Variants in KCTD8 observed in about 807,000 individuals in gnomAD.
KCTD8 encodes BTB/POZ domain-containing protein KCTD8.
Under a neutral mutation model 31.5 loss-of-function variants are expected in KCTD8, and 27 were observed. The observed-to-expected ratio is 0.86, with a 90% CI of 0.63 to 1.18. The LOEUF is 1.18. KCTD8 is among the 50% of genes most tolerant of loss of function. The pLI is 0.00. For missense variants in KCTD8, 658 were observed against 647.7 expected, an observed-to-expected ratio of 1.02 and a Z score of -0.17; for synonymous variants, 290 against 280.0, an observed-to-expected ratio of 1.04 and a Z score of -0.36.
At chr4:44,378,238 AAT>A (rs34144469) in intron 1 of KCTD8, among the ~76,000 whole-genome samples, 21,249 of 143,630 alleles carry the variant, frequency 0.15, 1,707 homozygotes, top group East Asian at 0.26. Flanking sequence ...TATATGTATA[AAT>A]ATATATATAT....
At chr4:44,266,293 A>G (rs1276966342) in intron 1 of KCTD8, among the ~76,000 whole-genome samples, 2 of 151,820 alleles carry the variant, frequency 1.3e-5, no homozygotes, top group East Asian at 3.9e-4. Flanking sequence ...CAGCCAAACT[A>G]AGCTTCATAA....
At chr4:44,407,663 G>A (rs1720834468) in intron 1 of KCTD8, among the ~76,000 whole-genome samples, 1 of 152,004 alleles carries the variant, frequency 6.6e-6, no homozygotes, top group Non-Finnish European at 1.5e-5. Context: ...TGGGATTACA[G>A]GTGTGAGCCA....
chr4:44,382,444 T>C lies in KCTD8; in HGVS notation c.961+65119A>G, dbSNP rs183587786. The stretch of plus-strand genomic sequence containing the variant: ...CTTTTCTGTAAGAACTCAAACAAGA[T>C]GGTCGGGCATGGTGGCTCACAGCTG... On this transcript the variant is annotated intron_variant, in intron 1 of 1. Transcript: ENST00000360029. 6.4e-3 allele frequency among the ~76,000 whole-genome samples: 972 copies of C among 152,070 alleles called. 15 individuals carry two copies. The highest frequency in any genetic ancestry group is 7.1e-3 in the Non-Finnish European group (481 of 67,966).
At chr4:44,281,609 C>T (rs1716907141) in intron 1 of KCTD8, among the ~76,000 whole-genome samples, 2 of 152,180 alleles carry the variant, frequency 1.3e-5, no homozygotes, top group African/African-American at 2.4e-5. Flanking sequence ...TTTACTGTTG[C>T]CGTTCCAACC....
At chr4:44,225,000 A>C (rs1435448140) in intron 1 of KCTD8, among the ~76,000 whole-genome samples, 1 of 152,180 alleles carries the variant, frequency 6.6e-6, no homozygotes, top group Non-Finnish European at 1.5e-5. Context: ...ATACAATTTT[A>C]AGGGGGGTTG....
intron 1 of KCTD8, among the ~76,000 whole-genome samples, chr4:44,222,619 A>G (rs1475728720): frequency 3.9e-5 from 6 of 152,160 alleles, no homozygotes; most frequent in African/African-American, 7.2e-5. Flanking sequence ...GAGAGTAAAA[A>G]CAATGTGGCT....
intron 1 of KCTD8, among the ~76,000 whole-genome samples, chr4:44,390,060 C>T (rs1400692921): frequency 6.6e-6 from 1 of 151,912 alleles, no homozygotes; most frequent in Non-Finnish European, 1.5e-5. Flanking sequence ...GTATAGATTG[C>T]AAAGATTCTC....
rs201449024 is a variant in KCTD8, at chr4:44,447,971, C to A, written c.553G>T (p.Ala185Ser). The change falls in exon 1 of 2, where the codon GCC becomes TCC. Residue 185 changes from alanine (A) to serine (S), a missense_variant. Transcript: ENST00000360029. Reference sequence around the variant, plus strand: ...TGCGCTCCCGGGCCCGAGGGCACGGCGGCCGCCGCCCCGCGCAGCAGCAGC... The same window carrying A: ...TGCGCTCCCGGGCCCGAGGGCACGGAGGCCGCCGCCCCGCGCAGCAGCAGC... ...DALLLRGAAA[A>S]VPSGPGAHGG... The A allele has an allele frequency of 2.0e-6, 3 of 1,529,776 alleles. No individual in the cohort carries two copies. The Admixed American group carries it at 6.2e-5, about 31-fold the overall frequency. 94.8% of individuals were successfully genotyped at this position (1,529,776 alleles called of 1,614,324 possible).
chr4:44,282,531 C>T (rs1250985865), intron 1 of KCTD8, among the ~76,000 whole-genome samples: 3 of 152,018 alleles, frequency 2.0e-5, no homozygotes, highest in African/African-American at 7.2e-5. Flanking sequence ...TCTCTCACTT[C>T]AAATCAAAAG....
chr4:44,340,723 G>A (rs913457281), intron 1 of KCTD8, among the ~76,000 whole-genome samples: 3 of 152,014 alleles, frequency 2.0e-5, no homozygotes, highest in Non-Finnish European at 4.4e-5. Context: ...ACGTAAACCT[G>A]AGCAAAATAG....
intron 1 of KCTD8, among the ~76,000 whole-genome samples, chr4:44,266,738 G>T (rs1716381276): frequency 6.6e-6 from 1 of 152,070 alleles, no homozygotes. Context: ...GGCAGGGGTT[G>T]CAATCCTAGT....
chr4:44,267,459 A>G (rs1428178408), intron 1 of KCTD8, among the ~76,000 whole-genome samples: 1 of 152,220 alleles, frequency 6.6e-6, no homozygotes, highest in East Asian at 1.9e-4. Flanking sequence ...TCCAAAATTG[A>G]CACCCTAACA....
At chr4:44,183,749 T>C (rs1057134455) in intron 1 of KCTD8, among the ~76,000 whole-genome samples, 1 of 152,058 alleles carries the variant, frequency 6.6e-6, no homozygotes, top group African/African-American at 2.4e-5. Flanking sequence ...AGCTGCACAT[T>C]TGAAAAAAAA....
intron 1 of KCTD8, among the ~76,000 whole-genome samples, chr4:44,285,724 T>C (rs1268313933): frequency 6.6e-6 from 1 of 152,150 alleles, no homozygotes; most frequent in African/African-American, 2.4e-5. Flanking sequence ...ACACAACATC[T>C]ATTCTGTAGC....
At chr4:44,318,497 T>C (rs990897387) in intron 1 of KCTD8, among the ~76,000 whole-genome samples, 1 of 152,124 alleles carries the variant, frequency 6.6e-6, no homozygotes. Flanking sequence ...TTAAAAAAAA[T>C]GTTTTACTAG....
intron 1 of KCTD8, among the ~76,000 whole-genome samples, chr4:44,430,534 C>T (rs1205173708): frequency 1.3e-5 from 2 of 151,576 alleles, no homozygotes; most frequent in East Asian, 3.9e-4. Context: ...TATGGCCTAT[C>T]TTTGTTGTCC....
intron 1 of KCTD8, among the ~76,000 whole-genome samples, chr4:44,194,040 A>T (rs946744118): frequency 2.0e-5 from 3 of 152,168 alleles, no homozygotes; most frequent in Admixed American, 2.0e-4. Context: ...TCTTAGGACT[A>T]TCTTAGAACC....
chr4:44,327,444 T>C (rs1419200782), intron 1 of KCTD8, among the ~76,000 whole-genome samples: 1 of 151,836 alleles, frequency 6.6e-6, no homozygotes, highest in Non-Finnish European at 1.5e-5. Flanking sequence ...TAACATGATG[T>C]ATGGAATAAT....
intron 1 of KCTD8, among the ~76,000 whole-genome samples, chr4:44,340,856 A>G (rs972692426): frequency 1.3e-5 from 2 of 152,134 alleles, no homozygotes; most frequent in African/African-American, 2.4e-5. Context: ...GAAGATTAAC[A>G]GGAAAAGATA....
Sources: allele counts gnomAD v4.1 joint callset (sites outside exome capture counted in the v4.1 genomes callset), GRCh38; gene constraint gnomAD v4.1.1; transcripts MANE v1.5; gene names NCBI Gene and HGNC (gene_info 2026-07-23, HGNC 2026-07-21).